The following CNNM1 variants were observed in gnomAD, a reference collection of about 807,000 sequenced individuals.
CNNM1 encodes the protein cyclin and CBS domain divalent metal cation transport mediator 1.
Under a neutral mutation model 78.8 loss-of-function variants are expected in CNNM1, and 44 were observed. The ratio of observed to expected loss-of-function variants is 0.56; its 90% CI spans 0.44 to 0.72. The LOEUF (loss-of-function observed/expected upper bound fraction) is 0.72, where lower values mean the gene tolerates loss of function less well. Among genes scored for constraint, CNNM1 ranks in the 30% least tolerant of loss-of-function variants. The pLI is 0.00. For synonymous variants in CNNM1, 584 were observed against 581.5 expected, an observed-to-expected ratio of 1.00 and a Z score of -0.06; for missense variants, 1,101 against 1,292.2, an observed-to-expected ratio of 0.85 and a Z score of 2.27.
chr10:99,333,852 C>T (rs2030041864), intron 1 of CNNM1, among the ~76,000 whole-genome samples: 1 of 152,172 alleles, frequency 6.6e-6, no homozygotes, highest in African/African-American at 2.4e-5. Context: ...TGAAATGAAT[C>T]CCTGTGCAGA....
Position 99,329,846 on chromosome 10 carries a change from C to T in CNNM1, c.459C>T (p.Gly153=). 4 of 1,417,244 alleles carry T rather than the reference C, an allele frequency of 2.8e-6. No individual in the cohort carries two copies. The highest frequency in any genetic ancestry group is 3.7e-6 in the Non-Finnish European group (4 of 1,091,276). 87.8% of individuals were successfully genotyped at this position (1,417,244 alleles called of 1,614,324 possible). ...TCCTGGGGCCCTTGCGTCCCGGGGG[C>T]GTGGCAGGCTCGGCCCTGGTCCAGG... ...VEVLGPLRPG[G]VAGSALVQVR... Residue 153 remains glycine (G), a synonymous_variant, in exon 1 of 11, where the codon GGC becomes GGT. Transcript: ENST00000356713.
At position 99,330,000 on chromosome 10, in the gene CNNM1, C is replaced by T; in HGVS notation, c.613C>T (p.Leu205=). The part of the protein sequence containing the change: ...HHHGAAGGFL[L]RVRPRLYGPG... ...CCACGGCGCCGCCGGCGGCTTCCTG[C>T]TGCGCGTTCGCCCGCGGTTGTACGG... The change falls in exon 1 of 11, where the codon CTG becomes TTG. Residue 205 remains leucine (L), a synonymous_variant. Coordinates refer to ENST00000356713, the MANE Select transcript of CNNM1 (RefSeq NM_020348.3). 1 of 1,404,848 alleles carries T rather than the reference C, an allele frequency of 7.1e-7. No individual in the cohort carries two copies. The highest frequency in any genetic ancestry group is 2.9e-5 in the East Asian group (1 of 33,978). The allele number at this position is 1,404,848 out of a possible 1,614,324, so 87.0% of individuals were successfully genotyped here. A position where few individuals can be genotyped will look rare whatever the true frequency, so the allele number is the denominator to read the frequency against.
intron 7 of CNNM1, among the ~76,000 whole-genome samples, chr10:99,387,157 C>G (rs1009811590): frequency 1.3e-5 from 2 of 152,142 alleles, no homozygotes; most frequent in Non-Finnish European, 2.9e-5. Context: ...TTTTTCCTGC[C>G]TGGAATCGTG....
intron 1 of CNNM1, among the ~76,000 whole-genome samples, chr10:99,340,327 T>A (rs1311941429): frequency 6.6e-6 from 1 of 152,234 alleles, no homozygotes; most frequent in Non-Finnish European, 1.5e-5. Flanking sequence ...GATTTAGTTA[T>A]CTTTCCCGGG....
Position 99,360,944 on chromosome 10 carries a change from T to C in CNNM1, c.1827T>C (p.Leu609=). 6.2e-7 allele frequency: 1 copy of C among 1,611,778 alleles called. No individual in the cohort carries two copies. The highest frequency in any genetic ancestry group is 8.5e-7 in the Non-Finnish European group (1 of 1,178,240). Residue 609 remains leucine (L), a synonymous_variant, in exon 3 of 11, where the codon CTT becomes CTC. Transcript: ENST00000356713. ...TEMRVKISPQ[L]LLATHRFMAT... The stretch of plus-strand genomic sequence containing the variant: ...TGCGGGTGAAGATCTCACCACAGCT[T>C]CTGCTAGCCACACACCGCTTCATGG...
Position 99,356,968 on chromosome 10 carries a change from C to G in CNNM1, c.1574-544C>G, listed in dbSNP as rs371092469. 1.8e-4 allele frequency among the ~76,000 whole-genome samples: 27 copies of G among 152,304 alleles called. No individual in the cohort carries two copies. In the East Asian group the frequency reaches 2.3e-3, roughly 13 times the overall value. On this transcript the variant is annotated intron_variant, in intron 1 of 10. Coordinates refer to ENST00000356713, the MANE Select transcript of CNNM1 (RefSeq NM_020348.3). ...TTTGGTTGAAGTAGTCACAAGCCCC[C>G]CCAGATTCAAGGGGAGGGGCTGTAG...
chr10:99,356,562 C>CAGAAAGAAAGAA lies in CNNM1; in HGVS notation c.1574-916_1574-905dup, dbSNP rs71009746. Among the ~76,000 whole-genome samples, 311 of 98,518 alleles carry CAGAAAGAAAGAA rather than the reference C, an allele frequency of 3.2e-3. 1 individual carries two copies. The highest frequency in any genetic ancestry group is 6.2e-3 in the Admixed American group (58 of 9,328). 64.6% of individuals were successfully genotyped at this position (98,518 alleles called of 152,430 possible). ...AAAGACAGACAGACAGACAGACAGA[C>CAGAAAGAAAGAA]AGAAAGAAAGAAAGAAAGAAAGAAA... On this transcript the variant is annotated intron_variant, in intron 1 of 10. Transcript: ENST00000356713.
intron 1 of CNNM1, among the ~76,000 whole-genome samples, chr10:99,338,773 T>A (rs1361338934): frequency 6.6e-6 from 1 of 152,110 alleles, no homozygotes; most frequent in East Asian, 1.9e-4. Flanking sequence ...TTAATGAAAT[T>A]CTTAAAAAGA....
At position 99,329,941 on chromosome 10, in the gene CNNM1, C is replaced by A; in HGVS notation, c.554C>A (p.Ser185Ter). The change falls in exon 1 of 11, where the codon TCA becomes TAA. Residue 185 changes from serine (S) to a stop codon, truncating the protein, a stop_gained. Transcript: ENST00000356713. LOFTEE classifies it high-confidence loss of function. Reference protein sequence around the residue: ...GGAGGGGKLFSLCAWDGRAWH... With the variant: ...GGAGGGGKLF ...GCGGGCGGTGGCGGGAAGCTCTTTT[C>A]ACTCTGCGCCTGGGATGGGCGCGCG... 7.2e-7 allele frequency: 1 copy of A among 1,386,084 alleles called. No individual in the cohort carries two copies. Among genetic ancestry groups the A allele is most frequent in the Non-Finnish European group, 9.3e-7 (1 of 1,080,426 alleles). 85.9% of individuals were successfully genotyped at this position (1,386,084 alleles called of 1,614,324 possible). A position where few individuals can be genotyped will look rare whatever the true frequency, so the allele number is the denominator to read the frequency against.
intron 1 of CNNM1, among the ~76,000 whole-genome samples, chr10:99,331,563 C>T (rs566425498): frequency 2.1e-4 from 32 of 152,322 alleles, no homozygotes; most frequent in Non-Finnish European, 3.8e-4. Flanking sequence ...TGATTGCACA[C>T]ATATCAAGTA....
At chr10:99,341,497 C>A (rs1223661544) in intron 1 of CNNM1, among the ~76,000 whole-genome samples, 1 of 152,024 alleles carries the variant, frequency 6.6e-6, no homozygotes, top group Non-Finnish European at 1.5e-5. Flanking sequence ...GGGGTACAGG[C>A]AAGGGAATCC....
chr10:99,349,742 C>T lies in CNNM1; in HGVS notation c.1574-7770C>T, dbSNP rs567620619. Among the ~76,000 whole-genome samples the T allele has an allele frequency of 3.4e-4, 52 of 152,190 alleles. No homozygotes were observed. In the South Asian group the frequency reaches 6.9e-3, roughly 20 times the overall value. On this transcript the variant is annotated intron_variant, in intron 1 of 10. Coordinates refer to ENST00000356713, the MANE Select transcript of CNNM1 (RefSeq NM_020348.3). ...TGGGCCGGGCGCAGTGGCTCACGCC[C>T]GTAATCCCAGCACTTTGGGAGGCTG...
At chr10:99,376,102 C>T (rs548269761) in intron 6 of CNNM1, among the ~76,000 whole-genome samples, 16 of 152,328 alleles carry the variant, frequency 1.1e-4, no homozygotes, top group African/African-American at 3.6e-4. Flanking sequence ...CAAGACGGGG[C>T]CCAGCCCTAG....
intron 1 of CNNM1, among the ~76,000 whole-genome samples, chr10:99,351,172 G>C (rs1206984599): frequency 6.6e-6 from 1 of 152,138 alleles, no homozygotes; most frequent in African/African-American, 2.4e-5. Flanking sequence ...TTGGATTCTT[G>C]GGGCAATGGA....
At position 99,391,737 on chromosome 10, in the gene CNNM1, T is replaced by G. The variant is rs41290492; in HGVS notation, c.*221T>G. ...TGGCCATAACAGAAGGAGGTGCCTC[T>G]GATAGAACATGCTAGAAATGGTCTT... On this transcript the variant is annotated 3_prime_UTR_variant, in exon 11 of 11. Coordinates refer to ENST00000356713, the MANE Select transcript of CNNM1 (RefSeq NM_020348.3). The G allele has an allele frequency of 3.7e-3, 1,890 of 512,596 alleles. 6 individuals are homozygous for G. Among genetic ancestry groups the G allele is most frequent in the Non-Finnish European group, 5.2e-3 (1,485 of 285,646 alleles). The allele number at this position is 512,596 out of a possible 1,614,324, so 31.8% of individuals were successfully genotyped here. A position where few individuals can be genotyped will look rare whatever the true frequency, so the allele number is the denominator to read the frequency against.
intron 6 of CNNM1, among the ~76,000 whole-genome samples, chr10:99,365,649 G>T (rs972809425): frequency 1.3e-5 from 2 of 152,092 alleles, no homozygotes; most frequent in Non-Finnish European, 2.9e-5. Context: ...TGCTTAAAGG[G>T]CATGGCATTT....
intron 7 of CNNM1, among the ~76,000 whole-genome samples, chr10:99,380,021 CTTTTTT>C (rs34165882): frequency 2.9e-5 from 3 of 103,928 alleles, no homozygotes; most frequent in Admixed American, 9.6e-5. Flanking sequence ...TAAACTCTCT[CTTTTTT>C]TTTTTTTTTT....
intron 7 of CNNM1, among the ~76,000 whole-genome samples, chr10:99,384,948 A>C (rs1252269310): frequency 6.6e-6 from 1 of 151,862 alleles, no homozygotes; most frequent in Non-Finnish European, 1.5e-5. Flanking sequence ...GTGCACCTAT[A>C]GTCCCATCTA....
intron 1 of CNNM1, among the ~76,000 whole-genome samples, chr10:99,350,097 A>G (rs2030881715): frequency 6.6e-6 from 1 of 152,200 alleles, no homozygotes; most frequent in Non-Finnish European, 1.5e-5. Flanking sequence ...CAGATCTTGC[A>G]TTTTGAACAA....
Sources: gnomAD v4.1 joint callset for allele counts (sites outside exome capture counted in the v4.1 genomes callset) on GRCh38, gnomAD v4.1.1 for gene constraint, MANE v1.5 for transcripts, NCBI Gene and HGNC (gene_info 2026-07-23, HGNC 2026-07-21) for gene names.